The following XPNPEP3 variants were observed in gnomAD, a reference collection of about 807,000 sequenced individuals.
The protein encoded by XPNPEP3 is X-prolyl aminopeptidase 3, also known as xaa-Pro aminopeptidase 3.
In XPNPEP3, 41 loss-of-function variants were observed where a neutral mutation model predicts 60.0. That is an observed-to-expected ratio of 0.68 (90% confidence interval 0.53 to 0.89). XPNPEP3 has a LOEUF of 0.89. Among genes scored for constraint, XPNPEP3 ranks in the 40% least tolerant of loss-of-function variants. The pLI is 0.00. For missense variants in XPNPEP3, 598 were observed against 638.9 expected (o/e 0.94, Z 0.69); for synonymous variants, 212 against 223.2 (o/e 0.95, Z 0.45).
In XPNPEP3 at chr22:40,862,075, G is replaced by T. The variant is rs1476882089; in HGVS notation, c.64+4830G>T. ...CAGCTCAGGCTCTGCTGGTGGTGGT[G>T]ATAGAGGTAGTGACTGCAAATAGGT... On this transcript the variant is annotated intron_variant, in intron 1 of 9. Transcript: ENST00000357137. 2.0e-6 allele frequency: 3 copies of T among 1,521,198 alleles called. No homozygotes were observed. In the East Asian group the frequency reaches 6.8e-5, roughly 34 times the overall value. The allele number at this position is 1,521,198 out of a possible 1,614,324, so 94.2% of individuals were successfully genotyped here. A position where few individuals can be genotyped will look rare whatever the true frequency, so the allele number is the denominator to read the frequency against.
chr22:40,905,483 A>G (rs2058151187), intron 4 of XPNPEP3, among the ~76,000 whole-genome samples: 1 of 152,178 alleles, frequency 6.6e-6, no homozygotes, highest in Non-Finnish European at 1.5e-5. Flanking sequence ...TGAGCACAAT[A>G]GACTATCCAT....
chr22:40,876,742 T>C (rs1177610653), intron 2 of XPNPEP3, among the ~76,000 whole-genome samples: 1 of 152,218 alleles, frequency 6.6e-6, no homozygotes, highest in East Asian at 1.9e-4. Flanking sequence ...CAAAACAGTG[T>C]ATAATACCTA....
At chr22:40,910,164 A>G (rs1166764118) in intron 6 of XPNPEP3, among the ~76,000 whole-genome samples, 10 of 152,102 alleles carry the variant, frequency 6.6e-5, no homozygotes, top group Non-Finnish European at 1.0e-4. Context: ...ATACCCATGA[A>G]CCAAGCAGTC....
At chr22:40,879,729 C>T (rs2058040204) in intron 2 of XPNPEP3, among the ~76,000 whole-genome samples, 1 of 152,146 alleles carries the variant, frequency 6.6e-6, no homozygotes, top group African/African-American at 2.4e-5. Flanking sequence ...GTAATACTAG[C>T]TATTCAAGAG....
At chr22:40,921,409 T>C (rs2058216086) in intron 7 of XPNPEP3, among the ~76,000 whole-genome samples, 1 of 151,310 alleles carries the variant, frequency 6.6e-6, no homozygotes, top group Non-Finnish European at 1.5e-5. Flanking sequence ...AAAGACACTT[T>C]GGGAGGCCAA....
intron 1 of XPNPEP3, 65 bp downstream of exon 1, chr22:40,857,310 G>C: frequency 6.4e-7 from 1 of 1,572,468 alleles, no homozygotes; most frequent in Admixed American, 1.7e-5. Flanking sequence ...TTGGTCTCAG[G>C]CGATCCCTGG....
intron 6 of XPNPEP3, among the ~76,000 whole-genome samples, chr22:40,909,829 A>G (rs1354273006): frequency 6.6e-6 from 1 of 151,706 alleles, no homozygotes; most frequent in East Asian, 1.9e-4. Context: ...AAAACCTAAA[A>G]CAACATATTA....
chr22:40,879,472 G>A (rs893009703), intron 2 of XPNPEP3, among the ~76,000 whole-genome samples: 2 of 152,192 alleles, frequency 1.3e-5, no homozygotes, highest in African/African-American at 4.8e-5. Flanking sequence ...TTGGGAGGCC[G>A]AGGCAGGCAG....
intron 4 of XPNPEP3, among the ~76,000 whole-genome samples, chr22:40,892,270 C>T (rs1478390029): frequency 2.6e-5 from 4 of 152,090 alleles, no homozygotes; most frequent in South Asian, 4.2e-4. Context: ...CTGCAACCTC[C>T]GCCTCCCAGG....
rs781617642 is a variant in XPNPEP3 at position 40,926,774 on chromosome 22, ACTT to A, written c.*346_*348del. The A allele has an allele frequency of 1.2e-5, 4 of 337,074 alleles. No individual in the cohort carries two copies. The highest frequency in any genetic ancestry group is 8.0e-5 in the South Asian group (3 of 37,476). The allele number at this position is 337,074 out of a possible 1,614,324, so 20.9% of individuals were successfully genotyped here. On this transcript the variant is annotated 3_prime_UTR_variant, in exon 10 of 10. Transcript: ENST00000357137. ...ACACATTTAAACATATAGAAAATTC[ACTT>A]CTTCTTTCAAGTCCTTCCCTTTCTA...
In XPNPEP3 at chr22:40,886,621, C is replaced by T. The variant is rs1235398890; in HGVS notation, c.792+106C>T. The T allele has an allele frequency of 1.2e-5, 12 of 993,440 alleles. No individual in the cohort carries two copies. In the East Asian group the frequency reaches 1.3e-4, roughly 11 times the overall value. 61.5% of individuals were successfully genotyped at this position (993,440 alleles called of 1,614,324 possible). ...CAGGTGGATCATGAGGTCAGGAGAT[C>T]GAGACCATCCTGGCTAACATGGTGA... On this transcript the variant is annotated intron_variant, in intron 4 of 9. Coordinates refer to ENST00000357137, the MANE Select transcript of XPNPEP3 (RefSeq NM_022098.4).
chr22:40,925,872 A>G (rs1209773501), intron 9 of XPNPEP3, among the ~76,000 whole-genome samples: 1 of 152,122 alleles, frequency 6.6e-6, no homozygotes, highest in African/African-American at 2.4e-5. Context: ...TCTTTTTCCA[A>G]GGGACTCTTA....
chr22:40,864,242 G>A (rs896005751), intron 1 of XPNPEP3, among the ~76,000 whole-genome samples: 1 of 152,144 alleles, frequency 6.6e-6, no homozygotes, highest in African/African-American at 2.4e-5. Context: ...CATGGCATCT[G>A]TAAACTCTTG....
intron 4 of XPNPEP3, among the ~76,000 whole-genome samples, chr22:40,896,278 C>T (rs941189077): frequency 1.1e-4 from 17 of 152,180 alleles, no homozygotes; most frequent in African/African-American, 4.1e-4. Context: ...CTCTGCCCAC[C>T]TCGGCCTCCC....
chr22:40,880,363 T>C (rs1262014354), intron 2 of XPNPEP3, among the ~76,000 whole-genome samples: 3 of 151,778 alleles, frequency 2.0e-5, no homozygotes, highest in Non-Finnish European at 2.9e-5. Context: ...CCATGACATA[T>C]TGTTCTGTTG....
intron 6 of XPNPEP3, among the ~76,000 whole-genome samples, chr22:40,913,294 C>A (rs1262466742): frequency 6.6e-6 from 1 of 151,782 alleles, no homozygotes; most frequent in African/African-American, 2.4e-5. Flanking sequence ...CATAGTTAGC[C>A]AGGTGTGGTG....
chr22:40,862,057 G>A, intron 1 of XPNPEP3: 1 of 1,528,348 alleles, frequency 6.5e-7, no homozygotes, highest in Non-Finnish European at 8.7e-7. Context: ...CCTCAGCTCA[G>A]GCTCTGCTGG....
intron 5 of XPNPEP3, among the ~76,000 whole-genome samples, chr22:40,908,259 C>G (rs1041212266): frequency 1.9e-4 from 29 of 151,490 alleles, no homozygotes; most frequent in African/African-American, 6.8e-4. Flanking sequence ...CTGGCACATG[C>G]CTGTAATTCC....
At chr22:40,891,987 G>T (rs963476323) in intron 4 of XPNPEP3, among the ~76,000 whole-genome samples, 6 of 152,152 alleles carry the variant, frequency 3.9e-5, no homozygotes, top group African/African-American at 1.4e-4. Flanking sequence ...TAAGATATCT[G>T]TAATGCAGCT....
Sources: allele counts gnomAD v4.1 joint callset (sites outside exome capture counted in the v4.1 genomes callset), GRCh38; gene constraint gnomAD v4.1.1; transcripts MANE v1.5; gene names NCBI Gene and HGNC (gene_info 2026-07-23, HGNC 2026-07-21).